The following MARCHF1 variants were observed in gnomAD, a reference collection of about 807,000 sequenced individuals.
The protein encoded by MARCHF1 is membrane associated ring-CH-type finger 1, also known as E3 ubiquitin-protein ligase MARCHF1.
A neutral mutation model predicts 54.2 loss-of-function variants in MARCHF1; 40 were observed. The ratio of observed to expected loss-of-function variants is 0.74; its 90% CI spans 0.57 to 0.96. The LOEUF (loss-of-function observed/expected upper bound fraction) is 0.96, where lower values mean the gene tolerates loss of function less well. Among genes scored for constraint, MARCHF1 ranks in the 40% least tolerant of loss-of-function variants. The pLI is 0.00. For synonymous variants in MARCHF1, 236 were observed against 236.3 expected (o/e 1.00, Z 0.01); for missense variants, 586 against 656.5 (o/e 0.89, Z 1.17).
At chr4:163,656,403 G>C (rs551745606) in intron 5 of MARCHF1, among the ~76,000 whole-genome samples, 3 of 152,036 alleles carry the variant, frequency 2.0e-5, no homozygotes, top group Admixed American at 2.0e-4. Context: ...CTGAAATTGA[G>C]GCAGTAATTA....
rs1375075462 is a variant in MARCHF1 at position 163,660,392 on chromosome 4, G to A, written c.162+40421C>T. On this transcript the variant is annotated intron_variant, in intron 5 of 9. Coordinates refer to ENST00000514618, the MANE Select transcript of MARCHF1 (RefSeq NM_001394959.1). ...CACAAGGAGAGGAATGTCACACACC[G>A]GGGCCTGTCGGTGGGTGGGGGTCAA... is the stretch of plus-strand genomic sequence containing the variant. 1.7e-4 allele frequency among the ~76,000 whole-genome samples: 26 copies of A among 151,866 alleles called. 1 individual carries two copies. The highest frequency in any genetic ancestry group is 1.2e-3 in the Admixed American group (19 of 15,234).
chr4:163,638,385 C>T (rs1211373940), intron 5 of MARCHF1, among the ~76,000 whole-genome samples: 2 of 151,896 alleles, frequency 1.3e-5, no homozygotes, highest in Non-Finnish European at 2.9e-5. Context: ...CATGTGAGAT[C>T]CAGTTGTTTA....
chr4:163,896,605 G>T (rs1579375251), intron 3 of MARCHF1, among the ~76,000 whole-genome samples: 2 of 152,076 alleles, frequency 1.3e-5, no homozygotes, highest in Non-Finnish European at 2.9e-5. Context: ...TTGTATAATA[G>T]CATTGTTCTT....
At chr4:163,632,108 GA>G in intron 5 of MARCHF1, among the ~76,000 whole-genome samples, 1 of 152,336 alleles carries the variant, frequency 6.6e-6, no homozygotes, top group East Asian at 1.9e-4. Context: ...AGGATGTGGA[GA>G]AATTGGAACC....
intron 4 of MARCHF1, among the ~76,000 whole-genome samples, chr4:163,715,036 G>A (rs1203029233): frequency 1.3e-5 from 2 of 152,072 alleles, no homozygotes. Flanking sequence ...ATAGAAAAAA[G>A]TCACATCTGT....
intron 4 of MARCHF1, among the ~76,000 whole-genome samples, chr4:163,708,731 G>T (rs1375267302): frequency 2.0e-5 from 3 of 152,108 alleles, no homozygotes; most frequent in Non-Finnish European, 4.4e-5. Flanking sequence ...GTCATGGAAA[G>T]TTATGCAAAA....
chr4:163,762,180 G>A (rs755088738), intron 4 of MARCHF1, among the ~76,000 whole-genome samples: 44 of 151,490 alleles, frequency 2.9e-4, no homozygotes, highest in Non-Finnish European at 7.4e-5. Flanking sequence ...CTGAAAACAG[G>A]GTTTCTTACT....
intron 8 of MARCHF1, among the ~76,000 whole-genome samples, chr4:163,551,059 T>C (rs1363106918): frequency 1.3e-5 from 2 of 152,164 alleles, no homozygotes; most frequent in Non-Finnish European, 2.9e-5. Flanking sequence ...AAGTAGTACT[T>C]GTCACTCCCT....
chr4:163,984,263 A>G (rs1343254685), intron 3 of MARCHF1, among the ~76,000 whole-genome samples: 1 of 152,220 alleles, frequency 6.6e-6, no homozygotes, highest in Non-Finnish European at 1.5e-5. Flanking sequence ...ACTGAGGTAG[A>G]GAAATATTAC....
chr4:164,065,027 T>G lies in MARCHF1; in HGVS notation c.-248+46561A>C, dbSNP rs1157649601. Among the ~76,000 whole-genome samples, 6 of 152,280 alleles carry G rather than the reference T, an allele frequency of 3.9e-5. No individual in the cohort carries two copies. The East Asian group carries it at 9.6e-4, about 24-fold the overall frequency. ...GCTTGATCATAGTGGGTGAGCTTTT[T>G]GATGTGTTGCTGGATTCGGTTTGCC... On this transcript the variant is annotated intron_variant, in intron 2 of 9. Transcript: ENST00000514618.
chr4:163,652,571 T>G (rs78395161), intron 5 of MARCHF1, among the ~76,000 whole-genome samples: 2,452 of 151,882 alleles, frequency 0.016, 42 homozygotes, highest in African/African-American at 0.044. Flanking sequence ...TTCCCCTATC[T>G]AAAAGTCCCC....
chr4:164,268,444 G>A (rs1377673390), intron 1 of MARCHF1, among the ~76,000 whole-genome samples: 1 of 152,148 alleles, frequency 6.6e-6, no homozygotes, highest in Non-Finnish European at 1.5e-5. Context: ...CAGATGTGAT[G>A]GCTTGCAGAA....
intron 1 of MARCHF1, among the ~76,000 whole-genome samples, chr4:164,208,399 G>T (rs1731672074): frequency 6.6e-6 from 1 of 152,164 alleles, no homozygotes; most frequent in African/African-American, 2.4e-5. Flanking sequence ...TTTATTTAAT[G>T]CACAGCCGTA....
At chr4:163,718,348 C>T (rs989767470) in intron 4 of MARCHF1, among the ~76,000 whole-genome samples, 12 of 152,028 alleles carry the variant, frequency 7.9e-5, no homozygotes, top group East Asian at 3.9e-4. Context: ...AAAGAAACTA[C>T]CATCAGAGTG....
intron 8 of MARCHF1, among the ~76,000 whole-genome samples, chr4:163,570,140 T>C (rs905356892): frequency 6.6e-6 from 1 of 152,140 alleles, no homozygotes; most frequent in Non-Finnish European, 1.5e-5. Context: ...ATGACTGATA[T>C]GCAAATTAAT....
At chr4:164,045,975 C>A (rs774364382) in intron 2 of MARCHF1, among the ~76,000 whole-genome samples, 5 of 152,138 alleles carry the variant, frequency 3.3e-5, no homozygotes, top group Non-Finnish European at 7.3e-5. Flanking sequence ...GCAGAAGACA[C>A]AAGATTCCTA....
At chr4:164,050,280 A>G (rs1351967403) in intron 2 of MARCHF1, among the ~76,000 whole-genome samples, 4 of 139,096 alleles carry the variant, frequency 2.9e-5, no homozygotes, top group Admixed American at 7.0e-5. Flanking sequence ...GTCTCCAAAA[A>G]AAAAAAAAAA....
intron 3 of MARCHF1, among the ~76,000 whole-genome samples, chr4:163,964,590 T>A (rs1276400302): frequency 1.3e-5 from 2 of 151,994 alleles, no homozygotes; most frequent in African/African-American, 4.8e-5. Flanking sequence ...GCCAAAACTC[T>A]TTTTTCTAGG....
intron 3 of MARCHF1, among the ~76,000 whole-genome samples, chr4:163,874,720 C>T (rs370580193): frequency 6.6e-6 from 1 of 151,808 alleles, no homozygotes; most frequent in Non-Finnish European, 1.5e-5. Context: ...CATTATGGGC[C>T]GAGCTATATT....
Sources: gnomAD v4.1 joint callset for allele counts (sites outside exome capture counted in the v4.1 genomes callset) on GRCh38, gnomAD v4.1.1 for gene constraint, MANE v1.5 for transcripts, NCBI Gene and HGNC (gene_info 2026-07-23, HGNC 2026-07-21) for gene names.